SLC4A5: variants seen among roughly 807,000 people sequenced by gnomAD.
The protein encoded by SLC4A5 is electrogenic sodium bicarbonate cotransporter 4.
In SLC4A5, 96 loss-of-function variants were observed where a neutral mutation model predicts 120.4. The observed-to-expected ratio is 0.80, with a 90% CI of 0.68 to 0.94. The LOEUF is 0.94. SLC4A5 is among the 40% of genes least tolerant of loss of function. The pLI is 0.00. For synonymous variants in SLC4A5, 550 were observed against 571.1 expected (o/e 0.96, Z 0.53); for missense variants, 1,259 against 1,459.5 (o/e 0.86, Z 2.24).
chr2:74,335,164 TGTAA>T (rs1199045461), intron 3 of SLC4A5, among the ~76,000 whole-genome samples: 3 of 152,160 alleles, frequency 2.0e-5, no homozygotes, highest in Non-Finnish European at 4.4e-5. Flanking sequence ...TTCTCACAGT[TGTAA>T]GTAACTTGCC....
chr2:74,284,343 A>AT (rs554797362), intron 8 of SLC4A5, among the ~76,000 whole-genome samples: 2 of 109,070 alleles, frequency 1.8e-5, no homozygotes, highest in African/African-American at 5.7e-5. Context: ...CGCCCGGCTA[A>AT]TTTTTTTTTT....
chr2:74,235,956 G>A (rs1026373986), intron 21 of SLC4A5, among the ~76,000 whole-genome samples: 11 of 152,182 alleles, frequency 7.2e-5, no homozygotes, highest in African/African-American at 2.4e-4. Flanking sequence ...TTTCAAAGAA[G>A]GCAATTTGAA....
chr2:74,290,792 C>G (rs1672141865), intron 7 of SLC4A5: 1 of 986,858 alleles, frequency 1.0e-6, no homozygotes, highest in South Asian at 4.7e-5. Context: ...AGCTGAGGAC[C>G]TGTGAGAGGA....
At chr2:74,341,823 GCTGCTCTTACT>G (rs1673633402) in intron 2 of SLC4A5, among the ~76,000 whole-genome samples, 1 of 152,192 alleles carries the variant, frequency 6.6e-6, no homozygotes, top group Non-Finnish European at 1.5e-5. Context: ...TTCCATCAGG[GCTGCTCTTACT>G]CTGGAGTAAG....
At chr2:74,242,439 A>G (rs1033033144) in intron 19 of SLC4A5, among the ~76,000 whole-genome samples, 13 of 152,248 alleles carry the variant, frequency 8.5e-5, no homozygotes, top group African/African-American at 3.1e-4. Context: ...GCCATGCCCT[A>G]TGCCAAGCCT....
At chr2:74,268,442 T>C (rs927598430) in intron 8 of SLC4A5, among the ~76,000 whole-genome samples, 7 of 152,230 alleles carry the variant, frequency 4.6e-5, no homozygotes, top group Non-Finnish European at 7.3e-5. Flanking sequence ...TCTCTATTAG[T>C]ATTAACATCA....
chr2:74,343,392 C>G (rs1673668256), exon 1 of SLC4A5: 1 of 152,158 alleles, frequency 6.6e-6, no homozygotes, highest in African/African-American at 2.4e-5. Flanking sequence ...GGCCCTGACT[C>G]CAATTCCTTT....
At chr2:74,317,369 T>C (rs767348885) in intron 5 of SLC4A5, among the ~76,000 whole-genome samples, 1 of 152,216 alleles carries the variant, frequency 6.6e-6, no homozygotes, top group Non-Finnish European at 1.5e-5. Flanking sequence ...TTTTAAATGT[T>C]TTATCTGAAC....
chr2:74,222,503 A>G (rs573275313), intron 29 of SLC4A5, among the ~76,000 whole-genome samples: 9 of 152,316 alleles, frequency 5.9e-5, no homozygotes, highest in African/African-American at 2.2e-4. Context: ...GCCGCACAGC[A>G]GGAGGTGAGC....
intron 25 of SLC4A5, among the ~76,000 whole-genome samples, chr2:74,230,106 C>T (rs957501705): frequency 6.6e-6 from 1 of 152,046 alleles, no homozygotes; most frequent in Non-Finnish European, 1.5e-5. Context: ...TCCCAAAGTC[C>T]TGGGATTACA....
At chr2:74,316,321 TAAAAAAAAAAAAAAA>T (rs60481743) in intron 5 of SLC4A5, among the ~76,000 whole-genome samples, 5 of 51,170 alleles carry the variant, frequency 9.8e-5, no homozygotes, top group South Asian at 6.3e-4. Context: ...AAAAGAGTTG[TAAAAAAAAAAAAAAA>T]AAAAAAAAAA....
At chr2:74,328,972 AT>A (rs112859448) in intron 4 of SLC4A5, among the ~76,000 whole-genome samples, 44 of 149,876 alleles carry the variant, frequency 2.9e-4, no homozygotes, top group African/African-American at 7.8e-4. Context: ...AGCTAGAGAC[AT>A]TTTTTTTTTA....
At position 74,304,481 on chromosome 2, in the gene SLC4A5, G is replaced by A. The variant is rs770030625; in HGVS notation, c.271+8C>T. 8.7e-6 allele frequency: 14 copies of A among 1,604,374 alleles called. No individual in the cohort carries two copies. In the Admixed American group the frequency reaches 2.2e-4, roughly 25 times the overall value. The stretch of plus-strand genomic sequence containing the variant: ...GGCTCCCCAGAATGTACCCCTCAAG[G>A]AACTCACGAGTCCTGCTGATAAGAT... On this transcript the variant is annotated splice_region_variant and intron_variant, in intron 7 of 30. Transcript: ENST00000394019.
chr2:74,290,132 G>A, intron 7 of SLC4A5: 1 of 985,524 alleles, frequency 1.0e-6, no homozygotes, highest in African/African-American at 1.7e-5. Flanking sequence ...CCCTAAGTCT[G>A]GAATCCCCTT....
At chr2:74,343,118 T>C (rs1277711918) in intron 1 of SLC4A5, among the ~76,000 whole-genome samples, 2 of 152,206 alleles carry the variant, frequency 1.3e-5, no homozygotes, top group Non-Finnish European at 2.9e-5. Context: ...AACCTCGTCA[T>C]TCCGTTACTT....
intron 8 of SLC4A5, among the ~76,000 whole-genome samples, chr2:74,270,837 T>C (rs1035448596): frequency 3.9e-5 from 6 of 152,202 alleles, no homozygotes; most frequent in African/African-American, 1.4e-4. Context: ...GTTCAACTTA[T>C]ATGGGGTCCC....
chr2:74,228,812 A>G (rs1000352661), intron 25 of SLC4A5, among the ~76,000 whole-genome samples: 2 of 152,156 alleles, frequency 1.3e-5, no homozygotes, highest in African/African-American at 4.8e-5. Flanking sequence ...AAACTTGCAC[A>G]CAGGCAATTT....
chr2:74,240,952 A>G (rs1253329422), intron 20 of SLC4A5, among the ~76,000 whole-genome samples: 1 of 152,126 alleles, frequency 6.6e-6, no homozygotes, highest in Non-Finnish European at 1.5e-5. Flanking sequence ...TTGAACTTCT[A>G]TCATTAAGCC....
intron 7 of SLC4A5, chr2:74,290,622 T>TGAGTGAGAGAGAGAGA: frequency 1.1e-6 from 1 of 883,132 alleles, no homozygotes; most frequent in Non-Finnish European, 1.3e-6. Flanking sequence ...GACAGAGAAG[T>TGAGTGAGAGAGAGAGA]GAGAGAGAGA....
Sources: gnomAD v4.1 joint callset for allele counts (sites outside exome capture counted in the v4.1 genomes callset) on GRCh38, gnomAD v4.1.1 for gene constraint, MANE v1.5 for transcripts, NCBI Gene and HGNC (gene_info 2026-07-23, HGNC 2026-07-21) for gene names.